The following RO60 variants were observed in gnomAD, a reference collection of about 807,000 sequenced individuals.
RO60 encodes Ro60, Y RNA binding protein.
RO60 carries 20 observed loss-of-function variants against 55.3 expected under a neutral mutation model. The ratio of observed to expected loss-of-function variants is 0.36; its 90% CI spans 0.25 to 0.53. The LOEUF is 0.53. RO60 is among the 20% of genes least tolerant of loss of function. RO60 has a pLI of 0.92. For missense variants in RO60, 558 were observed against 646.6 expected (o/e 0.86, Z 1.49); for synonymous variants, 213 against 213.6 (o/e 1.00, Z 0.02).
chr1:193,061,658 CA>C (rs1672748697), intron 1 of RO60, among the ~76,000 whole-genome samples: 1 of 152,312 alleles, frequency 6.6e-6, no homozygotes, highest in East Asian at 1.9e-4. Context: ...GAGAAATGGA[CA>C]TTGTATAAAA....
Position 193,084,810 on chromosome 1 carries a change from C to T in RO60, c.*79C>T. The T allele has an allele frequency of 6.4e-7, 1 of 1,551,636 alleles. No homozygotes were observed. Among genetic ancestry groups the T allele is most frequent in the Non-Finnish European group, 8.7e-7 (1 of 1,154,050 alleles). On this transcript the variant is annotated 3_prime_UTR_variant, in exon 9 of 9. Transcript: ENST00000400968. ...AATATACAGCTACTTCCCAGCTAAT[C>T]TCCACCCAATGAATGATGATGGTAT...
intron 1 of RO60, among the ~76,000 whole-genome samples, chr1:193,065,899 C>T (rs1673070609): frequency 6.6e-6 from 1 of 152,092 alleles, no homozygotes; most frequent in Non-Finnish European, 1.5e-5. Context: ...ATCACTGTCC[C>T]CCTCAGTCAC....
chr1:193,076,601 T>C lies in RO60; in HGVS notation c.902T>C (p.Val301Ala), dbSNP rs1398828972. The C allele has an allele frequency of 6.2e-7, 1 of 1,609,432 alleles. No individual in the cohort carries two copies. Among genetic ancestry groups the C allele is most frequent in the Non-Finnish European group, 8.5e-7 (1 of 1,178,252 alleles). Residue 301 changes from valine to alanine, a missense_variant, in exon 4 of 9, where the codon GTA becomes GCA. Val to Ala is a moderately conservative substitution (Grantham distance 64, BLOSUM62 0). Transcript: ENST00000400968. ...GTACTTGAACCAGGAAATTCAGAAGTATCTTTAGTATGTGAAAAACTGTGT... is the reference window on the plus strand; with the variant it reads ...GTACTTGAACCAGGAAATTCAGAAGCATCTTTAGTATGTGAAAAACTGTGT... ...NSVLEPGNSE[V>A]SLVCEKLCNE...
chr1:193,081,721 T>G (rs1263253390), intron 6 of RO60, among the ~76,000 whole-genome samples: 1 of 152,090 alleles, frequency 6.6e-6, no homozygotes, highest in Non-Finnish European at 1.5e-5. Context: ...GATTAAATAT[T>G]AATGGATTTT....
At chr1:193,082,833 T>A in intron 8 of RO60, 125 bp downstream of exon 8, 1 of 740,390 alleles carries the variant, frequency 1.4e-6, no homozygotes, top group Non-Finnish European at 2.1e-6. Flanking sequence ...GGCTCAGTCA[T>A]AGCTCACTGC....
In RO60 at chr1:193,088,686, G is replaced by A. The variant is rs1417222780; in HGVS notation, c.*3955G>A. The A allele has an allele frequency of 6.6e-6, 1 of 152,038 alleles. No individual in the cohort carries two copies. The highest frequency in any genetic ancestry group is 2.4e-5 in the African/African-American group (1 of 41,412). 9.4% of individuals were successfully genotyped at this position (152,038 alleles called of 1,614,324 possible). ...ACTGCAGGTTTGGGGTGATTGTTAA[G>A]GCACTATCCCCTCTGGAGAAATGTC... On this transcript the variant is annotated 3_prime_UTR_variant, in exon 9 of 9. Transcript: ENST00000400968.
At position 193,090,013 on chromosome 1, in the gene RO60, T is replaced by C; in HGVS notation, c.*5282T>C. The C allele has an allele frequency of 6.6e-6, 1 of 152,162 alleles. No homozygotes were observed. 9.4% of individuals were successfully genotyped at this position (152,162 alleles called of 1,614,324 possible). A position where few individuals can be genotyped will look rare whatever the true frequency, so the allele number is the denominator to read the frequency against. ...TAGAGACGGGGTTTCACCATGTTGG[T>C]CAGGCTGGCCTCGATCTCGTGACCT... On this transcript the variant is annotated 3_prime_UTR_variant, in exon 9 of 9. Transcript: ENST00000400968.
chr1:193,062,380 TATA>T (rs1672840136), intron 1 of RO60, among the ~76,000 whole-genome samples: 1 of 152,250 alleles, frequency 6.6e-6, no homozygotes, highest in Middle Eastern at 3.2e-3. Flanking sequence ...TAGGGCTAAA[TATA>T]ATTTTTGTGT....
chr1:193,082,435 A>T (rs1466505105), intron 7 of RO60, 127 bp from the exon 8 acceptor site: 26 of 1,368,852 alleles, frequency 1.9e-5, no homozygotes, highest in Non-Finnish European at 2.4e-5. Flanking sequence ...GACAAGTACA[A>T]AACCGAAAAT....
At chr1:193,082,356 A>G in intron 7 of RO60, 57 bp downstream of exon 7, 2 of 1,414,612 alleles carry the variant, frequency 1.4e-6, no homozygotes, top group East Asian at 4.6e-5. Flanking sequence ...GTGTAGAATG[A>G]TTTTATATTG....
At position 193,059,732 on chromosome 1, in the gene RO60, C is replaced by T. The variant is rs1256019711; in HGVS notation, c.-66C>T. 7.4e-7 allele frequency: 1 copy of T among 1,352,444 alleles called. No homozygotes were observed. The allele number at this position is 1,352,444 out of a possible 1,614,324, so 83.8% of individuals were successfully genotyped here. A position where few individuals can be genotyped will look rare whatever the true frequency, so the allele number is the denominator to read the frequency against. On this transcript the variant is annotated 5_prime_UTR_variant, in exon 1 of 9. Coordinates refer to ENST00000400968, the MANE Select transcript of RO60 (RefSeq NM_001173524.2). This position sits in a 1 kb window ranked among gnomAD's most constrained non-coding sequence, Gnocchi z 4.9. ...CGTTTCCCAGCGCTGCGCAGGACTT[C>T]TCCTGGCGGCGCTGCGGATCCAGGG...
intron 1 of RO60, among the ~76,000 whole-genome samples, chr1:193,066,517 C>T (rs1673118525): frequency 6.6e-6 from 1 of 152,138 alleles, no homozygotes. Context: ...TTTACTTTTC[C>T]TCTGACCATT....
intron 4 of RO60, 107 bp downstream of exon 4, chr1:193,076,754 A>T (rs1572090767): frequency 7.4e-7 from 1 of 1,360,240 alleles, no homozygotes; most frequent in East Asian, 2.3e-5. Flanking sequence ...GATGTTCATT[A>T]TACCAAATTG....
intron 1 of RO60, among the ~76,000 whole-genome samples, chr1:193,065,550 T>G (rs1009056952): frequency 2.6e-5 from 4 of 152,216 alleles, no homozygotes; most frequent in African/African-American, 9.7e-5. Context: ...AAAGTCTATG[T>G]AATGTAAAGA....
chr1:193,076,815 T>C (rs758945444), intron 4 of RO60, 98 bp from the exon 5 acceptor site: 1 of 1,379,588 alleles, frequency 7.2e-7, no homozygotes, highest in Non-Finnish European at 9.9e-7. Flanking sequence ...TTCTCTTTTC[T>C]ATATGAAATG....
chr1:193,080,112 C>G (rs1313395296), intron 5 of RO60, among the ~76,000 whole-genome samples: 1 of 151,052 alleles, frequency 6.6e-6, no homozygotes, highest in Admixed American at 6.6e-5. Context: ...CCCTGGGCAA[C>G]AAGAGTGAAA....
Position 193,069,047 on chromosome 1 carries a change from A to C in RO60, c.-8A>C, listed in dbSNP as rs1199413317. 1.4e-6 allele frequency: 2 copies of C among 1,479,368 alleles called. No individual in the cohort carries two copies. Among genetic ancestry groups the C allele is most frequent in the Non-Finnish European group, 9.2e-7 (1 of 1,092,104 alleles). The allele number at this position is 1,479,368 out of a possible 1,614,324, so 91.6% of individuals were successfully genotyped here. A position where few individuals can be genotyped will look rare whatever the true frequency, so the allele number is the denominator to read the frequency against. On this transcript the variant is annotated 5_prime_UTR_variant, in exon 2 of 9. Transcript: ENST00000400968. Reference sequence around the variant, plus strand: ...CCTTTTTGTTAGGTTTCCTAAAGACAAAAAAAAATGGAGGAATCTGTAAAC... The same window carrying C: ...CCTTTTTGTTAGGTTTCCTAAAGACCAAAAAAAATGGAGGAATCTGTAAAC...
Position 193,061,945 on chromosome 1 carries a change from C to G in RO60, c.-22+2169C>G, listed in dbSNP as rs148136524. ...GTTACAGTGAGTGGAGATCGCGCCACTACACTCCAGCCTGGGTGACAGAGT... is the reference window on the plus strand; with the variant it reads ...GTTACAGTGAGTGGAGATCGCGCCAGTACACTCCAGCCTGGGTGACAGAGT... On this transcript the variant is annotated intron_variant, in intron 1 of 8. Transcript: ENST00000400968. Among the ~76,000 whole-genome samples, 1,443 of 149,602 alleles carry G rather than the reference C, an allele frequency of 9.6e-3. 15 individuals carry two copies. The highest frequency in any genetic ancestry group is 0.034 in the South Asian group (161 of 4,750).
chr1:193,082,476 A>G, intron 7 of RO60, 86 bp from the exon 8 acceptor site: 3 of 1,478,370 alleles, frequency 2.0e-6, no homozygotes, highest in South Asian at 1.2e-5. Flanking sequence ...GGCTGTATAT[A>G]TTGGTGCTAA....
Sources: allele counts gnomAD v4.1 joint callset (sites outside exome capture counted in the v4.1 genomes callset), GRCh38; gene constraint gnomAD v4.1.1; non-coding constraint Gnocchi (gnomAD v3.1); transcripts MANE v1.5; gene names NCBI Gene and HGNC (gene_info 2026-07-23, HGNC 2026-07-21).